DPYD: variants seen among roughly 807,000 people sequenced by gnomAD.
The protein encoded by DPYD is dihydropyrimidine dehydrogenase.
DPYD carries 109 observed loss-of-function variants against 116.2 expected under a neutral mutation model. That is an observed-to-expected ratio of 0.94 (90% confidence interval 0.80 to 1.10). The LOEUF (loss-of-function observed/expected upper bound fraction) is 1.10. DPYD is among the 50% of genes least tolerant of loss of function. DPYD has a pLI of 0.00. For synonymous variants in DPYD, 440 were observed against 432.0 expected, an observed-to-expected ratio of 1.02 and a Z score of -0.23; for missense variants, 1,302 against 1,254.5, an observed-to-expected ratio of 1.04 and a Z score of -0.57.
chr1:97,549,850 A>T lies in DPYD; in HGVS notation c.1340-106T>A, dbSNP rs61789183. 0.11 allele frequency: 115,613 copies of T among 1,028,972 alleles called. 7,666 individuals are homozygous for T. Among genetic ancestry groups the T allele is most frequent in the Non-Finnish European group, 0.13 (93,641 of 703,982 alleles). The allele number at this position is 1,028,972 out of a possible 1,614,324, so 63.7% of individuals were successfully genotyped here. A position where few individuals can be genotyped will look rare whatever the true frequency, so the allele number is the denominator to read the frequency against. On this transcript the variant is annotated intron_variant, in intron 11 of 22. Coordinates refer to ENST00000370192, the MANE Select transcript of DPYD (RefSeq NM_000110.4). ...TTATGGTTTAATTATTGTTCCAGGG[A>T]TTCAAACAACTGTTTTTAGTAAACT... is the stretch of plus-strand genomic sequence containing the variant.
At chr1:97,537,307 A>G (rs1472062660) in intron 12 of DPYD, among the ~76,000 whole-genome samples, 1 of 152,176 alleles carries the variant, frequency 6.6e-6, no homozygotes, top group Non-Finnish European at 1.5e-5. Flanking sequence ...ACAACCCAGC[A>G]TTGTGGATTC....
At chr1:97,659,961 TC>T (rs943695153) in intron 8 of DPYD, among the ~76,000 whole-genome samples, 1 of 152,104 alleles carries the variant, frequency 6.6e-6, no homozygotes, top group Non-Finnish European at 1.5e-5. Context: ...AACTTTCAAC[TC>T]AGAAAATGCC....
intron 16 of DPYD, among the ~76,000 whole-genome samples, chr1:97,352,471 C>G (rs897141833): frequency 6.6e-6 from 1 of 151,684 alleles, no homozygotes; most frequent in African/African-American, 2.4e-5. Flanking sequence ...GAGCAGACAG[C>G]TGGATTTACA....
intron 4 of DPYD, among the ~76,000 whole-genome samples, chr1:97,735,581 T>C (rs968419204): frequency 5.7e-4 from 85 of 149,884 alleles, no homozygotes; most frequent in African/African-American, 1.9e-3. Context: ...CCAGGTACTC[T>C]GGAGGCTGAG....
chr1:97,828,128 G>A lies in DPYD; in HGVS notation c.219C>T (p.Leu73=). ...KHTTLGERGA[L]REAMRCLKCA... ...CCCAGACTTACCTCATTGCTTCTCGGAGAGCTCCTCGCTCACCAAGAGTCG... is the reference window on the plus strand; with the variant it reads ...CCCAGACTTACCTCATTGCTTCTCGAAGAGCTCCTCGCTCACCAAGAGTCG... Residue 73 remains leucine, a synonymous_variant, in exon 3 of 23, where the codon CTC becomes CTT. Transcript: ENST00000370192. 6.2e-7 allele frequency: 1 copy of A among 1,613,628 alleles called. No homozygotes were observed. Among genetic ancestry groups the A allele is most frequent in the Non-Finnish European group, 8.5e-7 (1 of 1,179,816 alleles).
chr1:97,735,289 G>A (rs555714927), intron 4 of DPYD, among the ~76,000 whole-genome samples: 42 of 152,122 alleles, frequency 2.8e-4, no homozygotes, highest in African/African-American at 1.0e-3. Flanking sequence ...GCACTCAGTG[G>A]AGGCAACAGA....
intron 16 of DPYD, among the ~76,000 whole-genome samples, chr1:97,365,453 C>T (rs74229079): frequency 0.055 from 8,335 of 152,252 alleles, 325 homozygotes; most frequent in East Asian, 0.17. Flanking sequence ...CTCTTTATGA[C>T]ATTTTTATTT....
intron 16 of DPYD, among the ~76,000 whole-genome samples, chr1:97,369,544 C>T (rs1211840141): frequency 6.6e-6 from 1 of 152,106 alleles, no homozygotes; most frequent in Non-Finnish European, 1.5e-5. Context: ...AAATCTTTGA[C>T]CTGGGAAACT....
Position 97,077,903 on chromosome 1 carries a change from A to G in DPYD, c.*1073T>C, listed in dbSNP as rs1261324691. ...ATTGTTACTTTCTGATTTACTACTT[A>G]TAGATTCATATTGAAGATGCCATGA... On this transcript the variant is annotated 3_prime_UTR_variant, in exon 23 of 23. Coordinates refer to ENST00000370192, the MANE Select transcript of DPYD (RefSeq NM_000110.4). 6.6e-6 allele frequency: 1 copy of G among 152,124 alleles called. No individual in the cohort carries two copies. The highest frequency in any genetic ancestry group is 1.5e-5 in the Non-Finnish European group (1 of 68,014). The allele number at this position is 152,124 out of a possible 1,614,324, so 9.4% of individuals were successfully genotyped here.
At chr1:97,902,830 T>C (rs1218501933) in intron 1 of DPYD, among the ~76,000 whole-genome samples, 3 of 151,862 alleles carry the variant, frequency 2.0e-5, no homozygotes, top group African/African-American at 4.8e-5. Flanking sequence ...AAATGGAGCA[T>C]ACCACTAGAA....
chr1:97,295,606 T>G, intron 18 of DPYD: 1 of 210,646 alleles, frequency 4.7e-6, no homozygotes, highest in South Asian at 1.7e-4. Flanking sequence ...AAGTTTTGTG[T>G]TTTTGGTAGA....
rs532962815 is a variant in DPYD at position 97,382,003 on chromosome 1, C to A, written c.1974+390G>T. On this transcript the variant is annotated intron_variant, in intron 15 of 22. Coordinates refer to ENST00000370192, the MANE Select transcript of DPYD (RefSeq NM_000110.4). ...TTCAAGAGTTTTATATTCAAAATTTCTTCTCTTACTGTCAAACTAGTTTGC... is the reference window on the plus strand; with the variant it reads ...TTCAAGAGTTTTATATTCAAAATTTATTCTCTTACTGTCAAACTAGTTTGC... Among the ~76,000 whole-genome samples the A allele has an allele frequency of 3.9e-5, 6 of 152,250 alleles. No homozygotes were observed. In the South Asian group the frequency reaches 8.3e-4, roughly 21 times the overall value.
chr1:97,394,901 C>T (rs550234401), intron 14 of DPYD, among the ~76,000 whole-genome samples: 3 of 152,052 alleles, frequency 2.0e-5, no homozygotes, highest in East Asian at 3.9e-4. Flanking sequence ...CAAATGGTTA[C>T]GTTTCATAAA....
At chr1:97,716,982 A>G (rs1307292330) in intron 5 of DPYD, among the ~76,000 whole-genome samples, 1 of 151,954 alleles carries the variant, frequency 6.6e-6, no homozygotes, top group Non-Finnish European at 1.5e-5. Flanking sequence ...TGTATGGTGT[A>G]CATGTGATGT....
intron 4 of DPYD, among the ~76,000 whole-genome samples, chr1:97,730,465 C>G (rs1663526191): frequency 6.6e-6 from 1 of 152,112 alleles, no homozygotes; most frequent in Admixed American, 6.6e-5. Context: ...TACAAGTAAT[C>G]CAGCCGCCTC....
chr1:97,440,600 C>A (rs1489469265), intron 14 of DPYD, among the ~76,000 whole-genome samples: 2 of 152,110 alleles, frequency 1.3e-5, no homozygotes, highest in African/African-American at 4.8e-5. Flanking sequence ...GAAAAATTTA[C>A]AAAAGGTGTT....
intron 16 of DPYD, among the ~76,000 whole-genome samples, chr1:97,346,927 T>C (rs941765654): frequency 7.2e-5 from 11 of 152,010 alleles, no homozygotes; most frequent in African/African-American, 2.6e-4. Flanking sequence ...AAATGCTATA[T>C]AAAATATTTT....
intron 19 of DPYD, among the ~76,000 whole-genome samples, chr1:97,203,678 A>ACCC (rs1659387205): frequency 1.9e-5 from 2 of 106,736 alleles, no homozygotes; most frequent in South Asian, 3.8e-4. Flanking sequence ...CCCCCCCAAA[A>ACCC]AAAAAAAAAG....
At chr1:97,385,525 T>TAAA (rs34091738) in intron 14 of DPYD, among the ~76,000 whole-genome samples, 1 of 140,694 alleles carries the variant, frequency 7.1e-6, no homozygotes. Flanking sequence ...ATTTTTTTCT[T>TAAA]AAAAAAAAAA....
Sources: allele counts gnomAD v4.1 joint callset (sites outside exome capture counted in the v4.1 genomes callset), GRCh38; gene constraint gnomAD v4.1.1; transcripts MANE v1.5; gene names NCBI Gene and HGNC (gene_info 2026-07-23, HGNC 2026-07-21).